BICC1: variants seen among roughly 807,000 people sequenced by gnomAD.
BICC1 encodes the protein protein bicaudal C homolog 1.
Under a neutral mutation model 111.0 loss-of-function variants are expected in BICC1, and 43 were observed. That is an observed-to-expected ratio of 0.39 (90% CI 0.30 to 0.50). BICC1 has a LOEUF of 0.50. Among genes scored for constraint, BICC1 ranks in the 20% least tolerant of loss-of-function variants. The pLI, the probability that BICC1 is intolerant of heterozygous loss-of-function variation, is 0.88. For missense variants in BICC1, 1,091 were observed against 1,203.2 expected (o/e 0.91, Z 1.38); for synonymous variants, 467 against 434.4 (o/e 1.07, Z -0.93).
In BICC1 at chr10:58,726,488, C is replaced by T. The variant is rs189546382; in HGVS notation, c.307+24345C>T. Among the ~76,000 whole-genome samples, 11 of 152,324 alleles carry T rather than the reference C, an allele frequency of 7.2e-5. No individual in the cohort carries two copies. The East Asian group carries it at 1.9e-3, about 27-fold the overall frequency. ...ACCTACAGTTCATCCATCTGGGCAA[C>T]CCATCATCTTCACAGTGCTTAGAGC... On this transcript the variant is annotated intron_variant, in intron 3 of 20. Transcript: ENST00000373886.
intron 2 of BICC1, among the ~76,000 whole-genome samples, chr10:58,634,580 G>A (rs1170764065): frequency 1.3e-5 from 2 of 152,082 alleles, no homozygotes; most frequent in African/African-American, 2.4e-5. Context: ...GTGCAGTATG[G>A]GTAGGTACAA....
chr10:58,796,253 G>A (rs187953883), intron 9 of BICC1, 87 bp from the exon 10 acceptor site: 13 of 1,093,440 alleles, frequency 1.2e-5, no homozygotes, highest in East Asian at 9.6e-5. Flanking sequence ...TCTTATTAGC[G>A]TATTCATTTT....
intron 3 of BICC1, among the ~76,000 whole-genome samples, chr10:58,774,203 A>G (rs1450518801): frequency 6.6e-6 from 1 of 152,238 alleles, no homozygotes. Flanking sequence ...TAAAATATTA[A>G]AAGTAACAGC....
rs185561122 is a variant in BICC1 at position 58,752,321 on chromosome 10, T to C, written c.308-32680T>C. Among the ~76,000 whole-genome samples, 68 of 152,278 alleles carry C rather than the reference T, an allele frequency of 4.5e-4. 1 individual carries two copies. Among genetic ancestry groups the C allele is most frequent in the Admixed American group, 2.4e-3 (37 of 15,284 alleles). On this transcript the variant is annotated intron_variant, in intron 3 of 20. Transcript: ENST00000373886. ...TATATTGGCATGCAGTTCTCTGATA[T>C]TAGGCATGCCCAGGGATAGAGTTTG...
At chr10:58,804,480 T>C (rs1843650960) in intron 15 of BICC1, among the ~76,000 whole-genome samples, 1 of 152,152 alleles carries the variant, frequency 6.6e-6, no homozygotes, top group East Asian at 1.9e-4. Flanking sequence ...ATTGCACCAC[T>C]GCACTCTAGC....
At chr10:58,647,258 T>C (rs190368693) in intron 2 of BICC1, among the ~76,000 whole-genome samples, 1 of 152,316 alleles carries the variant, frequency 6.6e-6, no homozygotes, top group Non-Finnish European at 1.5e-5. Context: ...AAAAGTAGCA[T>C]TAAACATTCA....
At chr10:58,679,880 C>T (rs914243363) in intron 2 of BICC1, among the ~76,000 whole-genome samples, 1 of 152,146 alleles carries the variant, frequency 6.6e-6, no homozygotes, top group Non-Finnish European at 1.5e-5. Flanking sequence ...AAGGCAGGTT[C>T]AACATATGCA....
At chr10:58,667,999 T>C (rs1376750485) in intron 2 of BICC1, among the ~76,000 whole-genome samples, 1 of 152,136 alleles carries the variant, frequency 6.6e-6, no homozygotes, top group East Asian at 1.9e-4. Flanking sequence ...CTTTGTCTCA[T>C]CTTGGCTTAC....
At chr10:58,549,610 G>T (rs1244404562) in intron 1 of BICC1, among the ~76,000 whole-genome samples, 2 of 132,304 alleles carry the variant, frequency 1.5e-5, no homozygotes, top group Admixed American at 1.8e-4. Flanking sequence ...TGAGGAGTCT[G>T]TTCAGATTTT....
chr10:58,601,146 ATATATATATATATATATATATAT>A (rs1845018147), intron 1 of BICC1, among the ~76,000 whole-genome samples: 1 of 126,390 alleles, frequency 7.9e-6, no homozygotes, highest in Admixed American at 8.0e-5. Flanking sequence ...AAACTTATAT[ATATATATATATATATATATATAT>A]ATCTCCCAAT....
intron 3 of BICC1, chr10:58,715,842 A>C: frequency 1.6e-6 from 2 of 1,257,558 alleles, no homozygotes; most frequent in South Asian, 2.6e-5. Context: ...GAAAGAAAAA[A>C]GAAAAGAAGA....
chr10:58,593,762 G>A (rs1056109410), intron 1 of BICC1, among the ~76,000 whole-genome samples: 11 of 152,096 alleles, frequency 7.2e-5, no homozygotes, highest in African/African-American at 2.4e-4. Context: ...CCACAAAGAT[G>A]GGTAGAAACC....
In BICC1 at chr10:58,799,096, C is replaced by T. The variant is rs759521828; in HGVS notation, c.1569C>T (p.Ala523=). 3.7e-6 allele frequency: 6 copies of T among 1,613,288 alleles called. No homozygotes were observed. The Admixed American group carries it at 1.0e-4, about 27-fold the overall frequency. ...CACACCTTATGATTCCATCTACTGCCCAAGCCACATTAACTAATATTTTGT... is the reference window on the plus strand; with the variant it reads ...CACACCTTATGATTCCATCTACTGCTCAAGCCACATTAACTAATATTTTGT... ...AIPHLMIPST[A]QATLTNILLS... The change falls in exon 12 of 21, where the codon GCC becomes GCT. Residue 523 remains alanine (A), a synonymous_variant. Transcript: ENST00000373886.
chr10:58,548,255 A>C (rs1843192711), intron 1 of BICC1, among the ~76,000 whole-genome samples: 1 of 152,220 alleles, frequency 6.6e-6, no homozygotes, highest in Admixed American at 6.5e-5. Flanking sequence ...TGCATTGTTC[A>C]ACTCCAGTAT....
In BICC1 at chr10:58,612,585, G is replaced by A. The variant is rs569073133; in HGVS notation, c.191-8270G>A. 1.2e-4 allele frequency among the ~76,000 whole-genome samples: 14 copies of A among 118,276 alleles called. No individual in the cohort carries two copies. The Admixed American group carries it at 1.4e-3, about 11-fold the overall frequency. The allele number at this position is 118,276 out of a possible 152,430, so 77.6% of individuals were successfully genotyped here. A position where few individuals can be genotyped will look rare whatever the true frequency, so the allele number is the denominator to read the frequency against. Reference sequence around the variant, plus strand: ...CACAGCAGCCCTCTTAGTTGCAAATGTGTTGAGTTGTGTTAAAAAAAAAAA... The same window carrying A: ...CACAGCAGCCCTCTTAGTTGCAAATATGTTGAGTTGTGTTAAAAAAAAAAA... On this transcript the variant is annotated intron_variant, in intron 1 of 20. Transcript: ENST00000373886.
intron 2 of BICC1, among the ~76,000 whole-genome samples, chr10:58,655,951 C>G (rs1209533335): frequency 6.6e-6 from 1 of 151,520 alleles, no homozygotes. Context: ...AGACCGCTAG[C>G]AAGACTAATA....
chr10:58,584,707 C>T (rs1233037125), intron 1 of BICC1, among the ~76,000 whole-genome samples: 2 of 151,762 alleles, frequency 1.3e-5, no homozygotes, highest in Non-Finnish European at 2.9e-5. Flanking sequence ...AAGGGGTTTC[C>T]AAAGACATGG....
At chr10:58,780,260 C>T (rs118092764) in intron 3 of BICC1, among the ~76,000 whole-genome samples, 1,896 of 152,268 alleles carry the variant, frequency 0.012, 11 homozygotes, top group Non-Finnish European at 0.02. Context: ...GATTTGAAGC[C>T]ATTTATAATA....
At chr10:58,575,623 A>T (rs927516632) in intron 1 of BICC1, among the ~76,000 whole-genome samples, 1 of 151,408 alleles carries the variant, frequency 6.6e-6, no homozygotes, top group African/African-American at 2.4e-5. Flanking sequence ...GGGTCTCGCT[A>T]TGTTGGGTAG....
Sources: allele counts gnomAD v4.1 joint callset (sites outside exome capture counted in the v4.1 genomes callset), GRCh38; gene constraint gnomAD v4.1.1; transcripts MANE v1.5; gene names NCBI Gene and HGNC (gene_info 2026-07-23, HGNC 2026-07-21).